MGST1: variants seen among roughly 807,000 people sequenced by gnomAD.
MGST1 encodes glutathione S-transferase 12.
Under a neutral mutation model 8.9 loss-of-function variants are expected in MGST1, and 5 were observed. The observed-to-expected ratio is 0.56, with a 90% CI of 0.29 to 1.19. The LOEUF is 1.19. MGST1 is among the 50% of genes most tolerant of loss of function. The pLI, the probability that MGST1 is intolerant of heterozygous loss-of-function variation, is 0.08. For synonymous variants in MGST1, 54 were observed against 67.8 expected, an observed-to-expected ratio of 0.80 and a Z score of 1.00; for missense variants, 182 against 187.4, an observed-to-expected ratio of 0.97 and a Z score of 0.17.
chr12:16,591,727 T>C (rs1943500314), downstream of MGST1, among the ~76,000 whole-genome samples: 1 of 152,168 alleles, frequency 6.6e-6, no homozygotes, highest in East Asian at 1.9e-4. This position sits in a 1 kb window ranked among gnomAD's most constrained non-coding sequence, Gnocchi z 4.1. Flanking sequence ...GATGGAACAA[T>C]ACAAATAGCA....
chr12:16,408,129 A>G (rs1425891863), intron 1 of MGST1, among the ~76,000 whole-genome samples: 1 of 151,814 alleles, frequency 6.6e-6, no homozygotes. Flanking sequence ...AACCAAATAC[A>G]TGTTCTCAGT....
At chr12:16,449,652 T>G (rs1180730820) in intron 4 of MGST1, among the ~76,000 whole-genome samples, 1 of 151,928 alleles carries the variant, frequency 6.6e-6, no homozygotes, top group African/African-American at 2.4e-5. Flanking sequence ...ATCAACTATA[T>G]TGTGATGCCA....
downstream of MGST1, among the ~76,000 whole-genome samples, chr12:16,379,780 A>C (rs1262706601): frequency 6.6e-6 from 1 of 152,022 alleles, no homozygotes; most frequent in Admixed American, 6.6e-5. Context: ...CTGGTCCTGG[A>C]CTGTTTTTGG....
Position 16,513,005 on chromosome 12 carries a change from G to A in MGST1, n.483-76523G>A, listed in dbSNP as rs1480084229. Among the ~76,000 whole-genome samples, 1 of 152,174 alleles carries A rather than the reference G, an allele frequency of 6.6e-6. No homozygotes were observed. The highest frequency in any genetic ancestry group is 1.5e-5 in the Non-Finnish European group (1 of 68,020). On this transcript the variant is annotated intron_variant and non_coding_transcript_variant, in intron 4 of 4. Transcript: ENST00000538857. The surrounding 1 kb of genome is among the most constrained non-coding windows in gnomAD (Gnocchi z 4.2). Reference sequence around the variant, plus strand: ...CCCAACCGTCTCTAGGGACCTCAGAGTAAGTGTTTGTAACTAATCTACTTT... The same window carrying A: ...CCCAACCGTCTCTAGGGACCTCAGAATAAGTGTTTGTAACTAATCTACTTT...
intron 4 of MGST1, among the ~76,000 whole-genome samples, chr12:16,502,141 A>G (rs1226447257): frequency 6.6e-6 from 1 of 152,234 alleles, no homozygotes; most frequent in African/African-American, 2.4e-5. Context: ...AGAAACACAA[A>G]GACAAATGAT....
chr12:16,352,073 G>A (rs1939492617), intron 1 of MGST1, among the ~76,000 whole-genome samples: 1 of 152,106 alleles, frequency 6.6e-6, no homozygotes, highest in African/African-American at 2.4e-5. Context: ...AACCGTATGG[G>A]GTGTTCGTGT....
chr12:16,367,764 A>G (rs781272514), downstream of MGST1, among the ~76,000 whole-genome samples: 11 of 152,200 alleles, frequency 7.2e-5, no homozygotes, highest in Non-Finnish European at 1.6e-4. Context: ...ACCTCAGTCT[A>G]TTGGCCACAG....
rs924706894 is a variant in MGST1, at chr12:16,458,066, A to G, written n.482+74462A>G. 6.6e-6 allele frequency among the ~76,000 whole-genome samples: 1 copy of G among 152,018 alleles called. No individual in the cohort carries two copies. Among genetic ancestry groups the G allele is most frequent in the African/African-American group, 2.4e-5 (1 of 41,416 alleles). ...AATTCAATTACACTGAAATTGTTTAATAGAAAATATAATTGCTTATTCATA... is the reference window on the plus strand; with the variant it reads ...AATTCAATTACACTGAAATTGTTTAGTAGAAAATATAATTGCTTATTCATA... On this transcript the variant is annotated intron_variant and non_coding_transcript_variant, in intron 4 of 4. Transcript: ENST00000538857. The surrounding 1 kb of genome is among the most constrained non-coding windows in gnomAD (Gnocchi z 4.0).
intron 1 of MGST1, among the ~76,000 whole-genome samples, chr12:16,409,470 T>C (rs947655764): frequency 6.6e-6 from 1 of 152,130 alleles, no homozygotes; most frequent in Non-Finnish European, 1.5e-5. Flanking sequence ...GCAGTGGGAT[T>C]GTACCATAGG....
chr12:16,528,347 G>C (rs1237578919), intron 4 of MGST1, among the ~76,000 whole-genome samples: 1 of 151,914 alleles, frequency 6.6e-6, no homozygotes, highest in Non-Finnish European at 1.5e-5. Flanking sequence ...TATATAAAGA[G>C]TTGTCTTATA....
Position 16,543,563 on chromosome 12 carries a change from T to TAATAAAAAA in MGST1, n.483-45964_483-45963insATAAAAAAA, listed in dbSNP as rs1267286499. Reference sequence around the variant, plus strand: ...TTGAGATTAATAAAAATAATAGTGGTACTAATAACTTGAACACTATGTATC... The same window carrying TAATAAAAAA: ...TTGAGATTAATAAAAATAATAGTGGTAATAAAAAAACTAATAACTTGAACACTATGTATC... On this transcript the variant is annotated intron_variant and non_coding_transcript_variant, in intron 4 of 4. Coordinates refer to the MGST1 transcript ENST00000538857. Among the ~76,000 whole-genome samples, 54 of 152,034 alleles carry TAATAAAAAA rather than the reference T, an allele frequency of 3.6e-4. No homozygotes were observed. In the East Asian group the frequency reaches 0.01, roughly 28 times the overall value.
chr12:16,359,864 ATATTT>A (rs1305098412), intron 3 of MGST1, among the ~76,000 whole-genome samples: 1 of 152,156 alleles, frequency 6.6e-6, no homozygotes, highest in African/African-American at 2.4e-5. Context: ...GTAACAAAAG[ATATTT>A]TATTTGGGGA....
intron 4 of MGST1, among the ~76,000 whole-genome samples, chr12:16,570,152 G>A (rs1438881837): frequency 6.6e-6 from 1 of 152,130 alleles, no homozygotes; most frequent in Non-Finnish European, 1.5e-5. Flanking sequence ...AATTTTTTGT[G>A]ATAGTCTATT....
chr12:16,384,999 C>T (rs971267927), intron 1 of MGST1, among the ~76,000 whole-genome samples: 1 of 152,160 alleles, frequency 6.6e-6, no homozygotes, highest in African/African-American at 2.4e-5. Flanking sequence ...AAAGAAGGAA[C>T]AGGAGTTAGG....
chr12:16,399,256 C>T (rs2137060879), intron 1 of MGST1: 3 of 1,597,742 alleles, frequency 1.9e-6, no homozygotes, highest in Non-Finnish European at 1.7e-6. Flanking sequence ...GAAAGGAGCT[C>T]AGGGCCAAAG....
chr12:16,424,126 TG>T (rs2137086515), intron 1 of MGST1, among the ~76,000 whole-genome samples: 1 of 152,324 alleles, frequency 6.6e-6, no homozygotes, highest in South Asian at 2.1e-4. Flanking sequence ...TTGTGTCTTC[TG>T]CAGGACCAAG....
intron 3 of MGST1, among the ~76,000 whole-genome samples, chr12:16,372,130 T>C (rs993095065): frequency 1.3e-5 from 2 of 152,054 alleles, no homozygotes; most frequent in African/African-American, 4.8e-5. Flanking sequence ...CTGGCAAAGA[T>C]TTCTTGACTA....
intron 4 of MGST1, among the ~76,000 whole-genome samples, chr12:16,498,562 A>G (rs1193108724): frequency 6.6e-6 from 1 of 152,200 alleles, no homozygotes; most frequent in Non-Finnish European, 1.5e-5. Flanking sequence ...ATCTCTTCTC[A>G]GGTACAGTTA....
intron 4 of MGST1, among the ~76,000 whole-genome samples, chr12:16,487,266 C>T (rs1446498173): frequency 6.6e-6 from 1 of 151,958 alleles, no homozygotes; most frequent in African/African-American, 2.4e-5. Context: ...TTAGGTTTTG[C>T]AAAACAAACA....
Sources: allele counts gnomAD v4.1 joint callset (sites outside exome capture counted in the v4.1 genomes callset), GRCh38; gene constraint gnomAD v4.1.1; non-coding constraint Gnocchi (gnomAD v3.1); transcripts MANE v1.5; gene names NCBI Gene and HGNC (gene_info 2026-07-23, HGNC 2026-07-21).